The following PDE4D variants were observed in gnomAD, a reference collection of about 807,000 sequenced individuals.
The protein encoded by PDE4D is 3',5'-cyclic-AMP phosphodiesterase 4D.
A neutral mutation model predicts 87.4 loss-of-function variants in PDE4D; 24 were observed. The ratio of observed to expected loss-of-function variants is 0.27; its 90% confidence interval spans 0.20 to 0.39. The LOEUF is 0.39. Ranked by LOEUF, PDE4D falls within the 10% of genes least tolerant of loss-of-function variation. The probability of loss-of-function intolerance (pLI) is 1.00; values close to 1 mark genes in which losing one functional copy is unlikely to be tolerated. For synonymous variants in PDE4D, 384 were observed against 383.2 expected, an observed-to-expected ratio of 1.00 and a Z score of -0.02; for missense variants, 714 against 1,041.0, an observed-to-expected ratio of 0.69 and a Z score of 4.32.
At chr5:59,035,915 C>A (rs1422457564) in intron 6 of PDE4D, among the ~76,000 whole-genome samples, 1 of 152,166 alleles carries the variant, frequency 6.6e-6, no homozygotes, top group African/African-American at 2.4e-5. Context: ...GAATCTCTTA[C>A]CCTACTTGGT....
At chr5:59,709,727 G>T (rs1028155017) in intron 1 of PDE4D, among the ~76,000 whole-genome samples, 2 of 152,168 alleles carry the variant, frequency 1.3e-5, no homozygotes, top group Non-Finnish European at 2.9e-5. Context: ...AGACCAAAGG[G>T]AGTAGACGAT....
intron 2 of PDE4D, among the ~76,000 whole-genome samples, chr5:60,159,550 T>A (rs941192535): frequency 4.6e-5 from 7 of 152,146 alleles, no homozygotes; most frequent in Admixed American, 2.6e-4. Context: ...ATGAGTAATA[T>A]GTTATGCTAC....
At chr5:59,209,548 C>T (rs1749626010) in intron 2 of PDE4D, among the ~76,000 whole-genome samples, 1 of 152,194 alleles carries the variant, frequency 6.6e-6, no homozygotes, top group African/African-American at 2.4e-5. Context: ...CAGACTTTCT[C>T]AGTACATGGT....
At chr5:58,985,500 C>G (rs1280449876) in intron 11 of PDE4D, among the ~76,000 whole-genome samples, 1 of 152,176 alleles carries the variant, frequency 6.6e-6, no homozygotes, top group Non-Finnish European at 1.5e-5. Context: ...ATTAACTGCC[C>G]TGGGAACCAG....
chr5:59,024,074 G>A (rs1300249336), intron 6 of PDE4D, among the ~76,000 whole-genome samples: 1 of 150,004 alleles, frequency 6.7e-6, no homozygotes, highest in Non-Finnish European at 1.5e-5. Flanking sequence ...GCTAATTTTT[G>A]TATTTTTAGT....
intron 1 of PDE4D, among the ~76,000 whole-genome samples, chr5:59,677,110 A>G (rs1748220481): frequency 6.6e-6 from 1 of 152,170 alleles, no homozygotes; most frequent in Non-Finnish European, 1.5e-5. Flanking sequence ...GTGAATTGAA[A>G]AAAAAAAGTT....
rs3061466 is a variant in PDE4D at position 59,181,543 on chromosome 5, GATATATAT to G, written c.759-907_759-900del. 2.0e-3 allele frequency among the ~76,000 whole-genome samples: 234 copies of G among 118,836 alleles called. 6 individuals are homozygous for G. Among genetic ancestry groups the G allele is most frequent in the Middle Eastern group, 4.0e-3 (1 of 252 alleles). The allele number at this position is 118,836 out of a possible 152,430, so 78.0% of individuals were successfully genotyped here. A position where few individuals can be genotyped will look rare whatever the true frequency, so the allele number is the denominator to read the frequency against. ...CTTTTAGATACATTCAAAGATGTCT[GATATATAT>G]ATATATATATATATATATATTAGGT... is the stretch of plus-strand genomic sequence containing the variant. On this transcript the variant is annotated intron_variant, in intron 4 of 14. Coordinates refer to ENST00000340635, the MANE Select transcript of PDE4D (RefSeq NM_001104631.2).
chr5:59,461,720 A>G (rs575599157), intron 1 of PDE4D, among the ~76,000 whole-genome samples: 6 of 152,254 alleles, frequency 3.9e-5, no homozygotes, highest in East Asian at 1.9e-4. Context: ...CATTGCCTCA[A>G]AGAAAACCAG....
intron 5 of PDE4D, among the ~76,000 whole-genome samples, chr5:59,174,853 C>G (rs931997508): frequency 2.6e-5 from 4 of 152,042 alleles, no homozygotes; most frequent in African/African-American, 9.7e-5. Context: ...CTCACTAGGT[C>G]TCAGTTTTTT....
intron 2 of PDE4D, among the ~76,000 whole-genome samples, chr5:60,174,589 T>C (rs1783756368): frequency 6.6e-6 from 1 of 152,106 alleles, no homozygotes; most frequent in Admixed American, 6.6e-5. Context: ...AGGTGCATAT[T>C]ACTTTGGGGA....
chr5:60,384,024 T>C (rs947910168), intron 1 of PDE4D, among the ~76,000 whole-genome samples: 2 of 152,068 alleles, frequency 1.3e-5, no homozygotes, highest in African/African-American at 4.8e-5. Context: ...CTAAATAGTA[T>C]AAAGAAAATA....
chr5:59,592,645 T>G (rs968341273), intron 1 of PDE4D, among the ~76,000 whole-genome samples: 2 of 152,164 alleles, frequency 1.3e-5, no homozygotes, highest in African/African-American at 4.8e-5. Context: ...TATTTCATAA[T>G]TGGAATATTT....
intron 2 of PDE4D, among the ~76,000 whole-genome samples, chr5:60,102,637 G>A (rs1436974359): frequency 1.3e-5 from 2 of 152,056 alleles, no homozygotes; most frequent in African/African-American, 4.8e-5. Flanking sequence ...ACTGATAGAG[G>A]GAAGACAGAG....
intron 1 of PDE4D, among the ~76,000 whole-genome samples, chr5:60,503,466 C>G (rs981531393): frequency 6.6e-6 from 1 of 151,948 alleles, no homozygotes; most frequent in Admixed American, 6.6e-5. Context: ...TGCTTTGGTC[C>G]TCTTGCTTTT....
At chr5:59,932,735 G>C (rs1005071590) in intron 3 of PDE4D, among the ~76,000 whole-genome samples, 2 of 152,164 alleles carry the variant, frequency 1.3e-5, no homozygotes, top group Admixed American at 1.3e-4. Flanking sequence ...AAAGTCGGTA[G>C]ATACCAAATC....
At chr5:58,985,532 C>T (rs758207846) in intron 11 of PDE4D, among the ~76,000 whole-genome samples, 13 of 152,178 alleles carry the variant, frequency 8.5e-5, no homozygotes, top group East Asian at 1.9e-4. Context: ...CCCAGCGCCC[C>T]CCATGTGCCT....
At chr5:59,809,308 G>GACT (rs1417679910) in intron 1 of PDE4D, among the ~76,000 whole-genome samples, 1 of 152,066 alleles carries the variant, frequency 6.6e-6, no homozygotes, top group African/African-American at 2.4e-5. Context: ...AAGCCAAAGG[G>GACT]ACTAGACCCA....
chr5:59,610,681 A>G (rs1369975162), intron 1 of PDE4D, among the ~76,000 whole-genome samples: 3 of 152,194 alleles, frequency 2.0e-5, no homozygotes, highest in Non-Finnish European at 4.4e-5. Flanking sequence ...GTATATGCAC[A>G]TTAGTCCTTT....
At chr5:59,837,070 C>G (rs916954484) in intron 1 of PDE4D, among the ~76,000 whole-genome samples, 2 of 151,976 alleles carry the variant, frequency 1.3e-5, no homozygotes, top group African/African-American at 4.8e-5. Context: ...ACTTCAAAAC[C>G]TTTATCGTTT....
Sources: allele counts gnomAD v4.1 joint callset (sites outside exome capture counted in the v4.1 genomes callset), GRCh38; gene constraint gnomAD v4.1.1; transcripts MANE v1.5; gene names NCBI Gene and HGNC (gene_info 2026-07-23, HGNC 2026-07-21).